NPAS3: variants seen among roughly 807,000 people sequenced by gnomAD.
NPAS3 encodes neuronal PAS domain-containing protein 3.
NPAS3 carries 14 observed loss-of-function variants against 73.1 expected under a neutral mutation model. That is an observed-to-expected ratio of 0.19 (90% CI 0.13 to 0.30). The LOEUF (loss-of-function observed/expected upper bound fraction) is 0.30, where lower values mean the gene tolerates loss of function less well. Ranked by LOEUF, NPAS3 falls within the 10% of genes least tolerant of loss-of-function variation. NPAS3 has a pLI of 1.00. For synonymous variants in NPAS3, 620 were observed against 541.5 expected, an observed-to-expected ratio of 1.14 and a Z score of -2.01; for missense variants, 1,096 against 1,250.0, an observed-to-expected ratio of 0.88 and a Z score of 1.86.
intron 4 of NPAS3, among the ~76,000 whole-genome samples, chr14:33,370,749 T>C (rs2140434088): frequency 6.6e-6 from 1 of 152,258 alleles, no homozygotes; most frequent in East Asian, 1.9e-4. Flanking sequence ...AGCTATGGAA[T>C]TGAGATAGAA....
intron 5 of NPAS3, among the ~76,000 whole-genome samples, chr14:33,674,110 CATT>C (rs1464306156): frequency 6.6e-6 from 1 of 152,118 alleles, no homozygotes; most frequent in East Asian, 1.9e-4. Flanking sequence ...ATACTCCGGA[CATT>C]ATTGTATAGG....
intron 4 of NPAS3, among the ~76,000 whole-genome samples, chr14:33,415,182 T>A (rs529071652): frequency 6.6e-6 from 1 of 152,082 alleles, no homozygotes; most frequent in Non-Finnish European, 1.5e-5. Context: ...CTGGAAAGAG[T>A]TTATCTGCAA....
intron 6 of NPAS3, among the ~76,000 whole-genome samples, chr14:33,730,670 CA>C (rs1330408101): frequency 6.6e-6 from 1 of 151,382 alleles, no homozygotes; most frequent in Non-Finnish European, 1.5e-5. Flanking sequence ...GCAGTCCTCT[CA>C]TGTATAAGGA....
At chr14:33,719,371 A>C (rs2061043295) in intron 6 of NPAS3, among the ~76,000 whole-genome samples, 1 of 152,164 alleles carries the variant, frequency 6.6e-6, no homozygotes, top group South Asian at 2.1e-4. Flanking sequence ...ATAGCTGTGG[A>C]GATATTAGCA....
chr14:33,146,800 C>T (rs537640001), intron 2 of NPAS3, among the ~76,000 whole-genome samples: 25 of 152,152 alleles, frequency 1.6e-4, no homozygotes, highest in East Asian at 7.7e-4. Flanking sequence ...AGAGGTTTAC[C>T]GAAGGGCAGG....
At chr14:33,246,829 A>G (rs1167360935) in intron 3 of NPAS3, among the ~76,000 whole-genome samples, 2 of 107,504 alleles carry the variant, frequency 1.9e-5, no homozygotes, top group Non-Finnish European at 3.7e-5. Flanking sequence ...CCTCATCTCT[A>G]TTAAAAATAC....
At chr14:33,061,821 G>A (rs2041112632) in intron 2 of NPAS3, among the ~76,000 whole-genome samples, 1 of 152,150 alleles carries the variant, frequency 6.6e-6, no homozygotes, top group Admixed American at 6.6e-5. Context: ...CATTCTGCCT[G>A]GAGCGGTGCC....
intron 9 of NPAS3, among the ~76,000 whole-genome samples, chr14:33,783,930 T>A (rs910625800): frequency 6.6e-6 from 1 of 152,178 alleles, no homozygotes; most frequent in Non-Finnish European, 1.5e-5. Context: ...AAACTGAGTA[T>A]CTGAAGGGTT....
At chr14:33,655,476 A>G (rs1448617530) in intron 5 of NPAS3, among the ~76,000 whole-genome samples, 1 of 152,132 alleles carries the variant, frequency 6.6e-6, no homozygotes, top group Non-Finnish European at 1.5e-5. Context: ...CAATTCATAT[A>G]AAAACTTAAC....
chr14:33,777,253 C>T (rs1341504525), intron 8 of NPAS3, among the ~76,000 whole-genome samples: 2 of 152,126 alleles, frequency 1.3e-5, no homozygotes, highest in Non-Finnish European at 2.9e-5. Context: ...TAAGAAAACA[C>T]CGACTAATCT....
intron 2 of NPAS3, among the ~76,000 whole-genome samples, chr14:33,178,547 T>C (rs1026492041): frequency 6.6e-6 from 1 of 152,236 alleles, no homozygotes; most frequent in Non-Finnish European, 1.5e-5. Flanking sequence ...AGTATGTACT[T>C]GGCTAAATTT....
chr14:33,721,867 G>T (rs1595500899), intron 6 of NPAS3, among the ~76,000 whole-genome samples: 1 of 152,250 alleles, frequency 6.6e-6, no homozygotes, highest in East Asian at 1.9e-4. Context: ...CATGCAAATG[G>T]AATTTGTTAG....
In NPAS3 at chr14:33,637,011, G is replaced by C. The variant is rs115248233; in HGVS notation, c.559-39200G>C. Among the ~76,000 whole-genome samples, 3 of 151,816 alleles carry C rather than the reference G, an allele frequency of 2.0e-5. No homozygotes were observed. The East Asian group carries it at 5.8e-4, about 29-fold the overall frequency. ...GTTACATCTATCTTTGTTTTCTTCC[G>C]GCATCAGGGTAGGCAGAGACATTTT... is the stretch of plus-strand genomic sequence containing the variant. On this transcript the variant is annotated intron_variant, in intron 5 of 11. Transcript: ENST00000356141.
chr14:33,394,316 C>A (rs1335280325), intron 4 of NPAS3, among the ~76,000 whole-genome samples: 1 of 152,078 alleles, frequency 6.6e-6, no homozygotes, highest in Non-Finnish European at 1.5e-5. Context: ...CCTTGAAATT[C>A]TATTAGAATT....
intron 5 of NPAS3, among the ~76,000 whole-genome samples, chr14:33,631,992 G>A (rs2058390216): frequency 6.6e-6 from 1 of 152,184 alleles, no homozygotes; most frequent in African/African-American, 2.4e-5. Context: ...TAGTAGTAGT[G>A]AATCTGTCGA....
chr14:33,061,637 G>A (rs1459997806), intron 2 of NPAS3, among the ~76,000 whole-genome samples: 1 of 152,156 alleles, frequency 6.6e-6, no homozygotes, highest in African/African-American at 2.4e-5. Flanking sequence ...TTCTAGACTA[G>A]CCTAGAAGTG....
At chr14:33,641,148 C>A (rs1285815930) in intron 5 of NPAS3, among the ~76,000 whole-genome samples, 2 of 152,124 alleles carry the variant, frequency 1.3e-5, no homozygotes, top group Non-Finnish European at 2.9e-5. Flanking sequence ...GCTTTTCTTG[C>A]AAAATGTTTT....
chr14:33,132,956 A>G (rs908669912), intron 2 of NPAS3, among the ~76,000 whole-genome samples: 1 of 152,194 alleles, frequency 6.6e-6, no homozygotes, highest in Non-Finnish European at 1.5e-5. Flanking sequence ...TGTTTGTCCA[A>G]ACTGCACAAC....
chr14:33,590,345 A>AAT (rs1257345928), intron 5 of NPAS3, among the ~76,000 whole-genome samples: 2 of 152,056 alleles, frequency 1.3e-5, no homozygotes, highest in African/African-American at 2.4e-5. Flanking sequence ...TATTTATACA[A>AAT]ATATATATAT....
Sources: allele counts gnomAD v4.1 joint callset (sites outside exome capture counted in the v4.1 genomes callset), GRCh38; gene constraint gnomAD v4.1.1; transcripts MANE v1.5; gene names NCBI Gene and HGNC (gene_info 2026-07-23, HGNC 2026-07-21).